Variants in MAPRE2 observed in about 807,000 individuals in gnomAD.
The protein encoded by MAPRE2 is microtubule-associated protein RP/EB family member 2.
A neutral mutation model predicts 43.2 loss-of-function variants in MAPRE2; 13 were observed. That is an observed-to-expected ratio of 0.30 (90% CI 0.20 to 0.48). MAPRE2 has a LOEUF of 0.48. MAPRE2 is among the 20% of genes least tolerant of loss of function. MAPRE2 has a pLI of 0.99. For synonymous variants in MAPRE2, 135 were observed against 148.8 expected, an observed-to-expected ratio of 0.91 and a Z score of 0.68; for missense variants, 161 against 400.2, an observed-to-expected ratio of 0.40 and a Z score of 5.10.
chr18:35,102,455 G>A (rs1033796835), intron 4 of MAPRE2, among the ~76,000 whole-genome samples: 18 of 152,186 alleles, frequency 1.2e-4, no homozygotes, highest in African/African-American at 3.1e-4. Flanking sequence ...TTAGTTTTTC[G>A]AGAAATTTCA....
intron 4 of MAPRE2, among the ~76,000 whole-genome samples, chr18:35,109,941 T>A (rs931154467): frequency 6.6e-6 from 1 of 152,162 alleles, no homozygotes; most frequent in South Asian, 2.1e-4. Flanking sequence ...TTTTAAAGTA[T>A]TTTTTAGAAT....
intron 1 of MAPRE2, among the ~76,000 whole-genome samples, chr18:34,986,810 G>C (rs1009746127): frequency 6.6e-6 from 1 of 152,114 alleles, no homozygotes; most frequent in African/African-American, 2.4e-5. Flanking sequence ...AGTTAAATTT[G>C]ATTTTAGATA....
chr18:34,990,403 G>C (rs1428313991), intron 1 of MAPRE2, among the ~76,000 whole-genome samples: 3 of 152,144 alleles, frequency 2.0e-5, no homozygotes, highest in African/African-American at 7.2e-5. Context: ...ATGCTTGTCT[G>C]ACAGGAGAGG....
intron 2 of MAPRE2, among the ~76,000 whole-genome samples, chr18:35,080,696 T>G (rs997139956): frequency 6.6e-6 from 1 of 152,220 alleles, no homozygotes; most frequent in Non-Finnish European, 1.5e-5. Flanking sequence ...TAGACACTAT[T>G]AAAAAGGAGT....
intron 6 of MAPRE2, among the ~76,000 whole-genome samples, chr18:35,136,988 G>A (rs1234205238): frequency 6.6e-6 from 1 of 152,246 alleles, no homozygotes; most frequent in Non-Finnish European, 1.5e-5. Context: ...CTCCTACTTA[G>A]ACATGGGTTT....
chr18:35,007,772 T>A (rs1050968240), intron 2 of MAPRE2, among the ~76,000 whole-genome samples: 1 of 152,210 alleles, frequency 6.6e-6, no homozygotes, highest in African/African-American at 2.4e-5. Context: ...ACTAGTACAG[T>A]TGACCCTTGA....
chr18:35,000,043 A>T (rs180776114), intron 1 of MAPRE2, among the ~76,000 whole-genome samples: 2 of 152,178 alleles, frequency 1.3e-5, no homozygotes, highest in Admixed American at 6.6e-5. Context: ...TAATGCTGCA[A>T]GCTGCTTTAT....
intron 4 of MAPRE2, among the ~76,000 whole-genome samples, chr18:35,119,729 AT>A (rs1430169968): frequency 6.6e-6 from 1 of 152,184 alleles, no homozygotes; most frequent in Non-Finnish European, 1.5e-5. Flanking sequence ...AGCTGAGCAT[AT>A]TTACATGATG....
At chr18:35,077,729 T>TATAATTC (rs1327038246) in intron 2 of MAPRE2, among the ~76,000 whole-genome samples, 1 of 152,222 alleles carries the variant, frequency 6.6e-6, no homozygotes, top group African/African-American at 2.4e-5. Context: ...AAGACTCATT[T>TATAATTC]ATAATTCATA....
At chr18:35,080,525 G>A (rs1038667450) in intron 2 of MAPRE2, among the ~76,000 whole-genome samples, 3 of 152,186 alleles carry the variant, frequency 2.0e-5, no homozygotes, top group Non-Finnish European at 4.4e-5. Context: ...TGGGCAGTCT[G>A]TACATGGAAA....
intron 1 of MAPRE2, among the ~76,000 whole-genome samples, chr18:35,069,948 G>A (rs1907023997): frequency 6.6e-6 from 1 of 152,094 alleles, no homozygotes; most frequent in Non-Finnish European, 1.5e-5. Flanking sequence ...TTATAAATTA[G>A]GAATCTCAGA....
At chr18:35,134,061 C>G (rs1387417566) in intron 6 of MAPRE2, among the ~76,000 whole-genome samples, 3 of 152,210 alleles carry the variant, frequency 2.0e-5, no homozygotes, top group Non-Finnish European at 4.4e-5. Context: ...GCAGACACCT[C>G]TTCTGAGACA....
At chr18:35,046,854 C>T (rs1256880840) in intron 1 of MAPRE2, among the ~76,000 whole-genome samples, 1 of 152,174 alleles carries the variant, frequency 6.6e-6, no homozygotes, top group Non-Finnish European at 1.5e-5. Context: ...TGGTACTTAG[C>T]CCAGACAGTG....
intron 1 of MAPRE2, among the ~76,000 whole-genome samples, chr18:34,994,455 G>A (rs2097025444): frequency 6.6e-6 from 1 of 151,358 alleles, no homozygotes; most frequent in Non-Finnish European, 1.5e-5. Flanking sequence ...GTCAAACTGG[G>A]GCTGCCAAGG....
At chr18:35,118,272 C>T (rs2144218429) in intron 4 of MAPRE2, among the ~76,000 whole-genome samples, 1 of 152,184 alleles carries the variant, frequency 6.6e-6, no homozygotes, top group Middle Eastern at 3.4e-3. Flanking sequence ...AGGGGCAGAG[C>T]CATTTATTTT....
upstream of MAPRE2, chr18:35,041,284 G>C: frequency 2.9e-6 from 4 of 1,375,754 alleles, no homozygotes; most frequent in South Asian, 1.5e-5. Flanking sequence ...GCGAATTGAG[G>C]CGAGGTGATG....
At chr18:35,032,411 G>A (rs2097048251) in intron 2 of MAPRE2, among the ~76,000 whole-genome samples, 1 of 152,068 alleles carries the variant, frequency 6.6e-6, no homozygotes, top group African/African-American at 2.4e-5. Context: ...TCCTGGCTAG[G>A]GAATTCATGT....
intron 2 of MAPRE2, among the ~76,000 whole-genome samples, chr18:35,092,365 G>A (rs768189447): frequency 8.5e-5 from 13 of 152,198 alleles, no homozygotes; most frequent in Non-Finnish European, 1.8e-4. Flanking sequence ...CATAGGGAAA[G>A]GACAGTCTCT....
At chr18:35,035,871 A>G (rs2097050283) in intron 2 of MAPRE2, among the ~76,000 whole-genome samples, 1 of 132,088 alleles carries the variant, frequency 7.6e-6, no homozygotes, top group African/African-American at 2.8e-5. Flanking sequence ...CCTGAATGAG[A>G]GCGCTCACAG....
Sources: gnomAD v4.1 joint callset for allele counts (sites outside exome capture counted in the v4.1 genomes callset) on GRCh38, gnomAD v4.1.1 for gene constraint, MANE v1.5 for transcripts, NCBI Gene and HGNC (gene_info 2026-07-23, HGNC 2026-07-21) for gene names.